SGCZ: variants seen among roughly 807,000 people sequenced by gnomAD.
SGCZ encodes zeta-sarcoglycan.
In SGCZ, 40 loss-of-function variants were observed where a neutral mutation model predicts 41.3. That is an observed-to-expected ratio of 0.97 (90% CI 0.75 to 1.26). The LOEUF is 1.26. Among genes scored for constraint, SGCZ ranks in the 50% most tolerant of loss-of-function variants. The pLI, the probability that SGCZ is intolerant of heterozygous loss-of-function variation, is 0.00. For missense variants in SGCZ, 552 were observed against 369.8 expected, an observed-to-expected ratio of 1.49 and a Z score of -4.04; for synonymous variants, 206 against 137.5, an observed-to-expected ratio of 1.50 and a Z score of -3.49.
chr8:14,594,845 T>A (rs1805356851), intron 1 of SGCZ, among the ~76,000 whole-genome samples: 1 of 145,278 alleles, frequency 6.9e-6, no homozygotes, highest in Admixed American at 7.1e-5. Flanking sequence ...TCCTTAAAAA[T>A]TTTTTTACCA....
chr8:14,172,473 G>T (rs755166947), intron 4 of SGCZ, among the ~76,000 whole-genome samples: 8 of 152,140 alleles, frequency 5.3e-5, no homozygotes, highest in Non-Finnish European at 1.2e-4. Flanking sequence ...AGGATTATTG[G>T]TTAACAGCAC....
intron 2 of SGCZ, among the ~76,000 whole-genome samples, chr8:14,426,453 T>C: frequency 6.6e-6 from 1 of 151,974 alleles, no homozygotes; most frequent in East Asian, 1.9e-4. Flanking sequence ...TGCAAATATG[T>C]GTATGCCACT....
intron 1 of SGCZ, among the ~76,000 whole-genome samples, chr8:14,866,675 T>C (rs1378700227): frequency 6.6e-6 from 1 of 152,020 alleles, no homozygotes; most frequent in Non-Finnish European, 1.5e-5. Context: ...CTGGGCATGA[T>C]GGTGCATGCT....
At chr8:14,330,436 T>C (rs1289363162) in intron 2 of SGCZ, among the ~76,000 whole-genome samples, 1 of 152,078 alleles carries the variant, frequency 6.6e-6, no homozygotes, top group Non-Finnish European at 1.5e-5. Flanking sequence ...AGCATAATTT[T>C]CTTTTTTTTG....
intron 2 of SGCZ, among the ~76,000 whole-genome samples, chr8:14,419,893 A>G (rs527726719): frequency 6.6e-6 from 1 of 152,148 alleles, no homozygotes; most frequent in Non-Finnish European, 1.5e-5. Flanking sequence ...GTTTGTTTCT[A>G]AAGCGACGAG....
chr8:14,583,424 G>C (rs7005692), intron 1 of SGCZ, among the ~76,000 whole-genome samples: 4,734 of 152,182 alleles, frequency 0.031, 139 homozygotes, highest in African/African-American at 0.084. Flanking sequence ...CAGATGAGTA[G>C]GTTGCGAAAC....
At chr8:14,187,992 G>C (rs1475983654) in intron 4 of SGCZ, among the ~76,000 whole-genome samples, 3 of 151,994 alleles carry the variant, frequency 2.0e-5, no homozygotes, top group Non-Finnish European at 4.4e-5. Flanking sequence ...GTTAACAGCT[G>C]GCCTCTCATC....
intron 1 of SGCZ, among the ~76,000 whole-genome samples, chr8:15,207,860 T>C (rs938738396): frequency 2.0e-5 from 3 of 152,192 alleles, no homozygotes; most frequent in East Asian, 3.9e-4. Flanking sequence ...ATAGAAAATA[T>C]ACCTGTTATA....
chr8:14,879,304 G>C (rs984137714), intron 1 of SGCZ: 1 of 152,078 alleles, frequency 6.6e-6, no homozygotes, highest in Non-Finnish European at 1.5e-5. Context: ...CTCCAGCCTG[G>C]ATGACAGAGT....
In SGCZ at chr8:14,087,713, TTA is replaced by T. The variant is rs1491134312; in HGVS notation, c.*2728_*2729del. ...GTGCAATTAAGGGACCACTATATTT[TTA>T]AAAAAAAAAAAATGCTTTTTTGTGT... On this transcript the variant is annotated 3_prime_UTR_variant, in exon 8 of 8. Coordinates refer to ENST00000382080, the MANE Select transcript of SGCZ (RefSeq NM_139167.4). 1.5e-5 allele frequency among the ~76,000 whole-genome samples: 2 copies of T among 137,356 alleles called. No homozygotes were observed. Among genetic ancestry groups the T allele is most frequent in the African/African-American group, 2.8e-5 (1 of 36,156 alleles). 90.1% of individuals were successfully genotyped at this position (137,356 alleles called of 152,430 possible).
At chr8:14,214,993 T>C (rs1331611382) in intron 4 of SGCZ, among the ~76,000 whole-genome samples, 1 of 152,094 alleles carries the variant, frequency 6.6e-6, no homozygotes, top group African/African-American at 2.4e-5. Flanking sequence ...AGAGAAATAC[T>C]GAAGAATATT....
At chr8:14,763,529 G>T (rs907886651) in intron 1 of SGCZ, among the ~76,000 whole-genome samples, 4 of 152,086 alleles carry the variant, frequency 2.6e-5, no homozygotes, top group African/African-American at 4.8e-5. Flanking sequence ...CTGCATAGGA[G>T]ACACTTTATT....
chr8:14,188,025 T>C (rs1804962374), intron 4 of SGCZ, among the ~76,000 whole-genome samples: 1 of 152,040 alleles, frequency 6.6e-6, no homozygotes. Flanking sequence ...GAGGAAGTAG[T>C]AGGACAGCAT....
At chr8:14,646,972 T>C (rs760127124) in intron 1 of SGCZ, among the ~76,000 whole-genome samples, 1 of 151,910 alleles carries the variant, frequency 6.6e-6, no homozygotes, top group Admixed American at 6.6e-5. Context: ...ATTTCAGAAA[T>C]GAAGCCTGGA....
intron 2 of SGCZ, among the ~76,000 whole-genome samples, chr8:14,360,643 T>C (rs889995462): frequency 6.6e-6 from 1 of 152,086 alleles, no homozygotes; most frequent in African/African-American, 2.4e-5. Context: ...TATTTATTTA[T>C]TTATTTTTTA....
chr8:14,372,948 A>G (rs979415265), intron 2 of SGCZ, among the ~76,000 whole-genome samples: 1 of 152,186 alleles, frequency 6.6e-6, no homozygotes, highest in Non-Finnish European at 1.5e-5. Context: ...TTTTGAGCAT[A>G]GATGTGACAT....
intron 5 of SGCZ, among the ~76,000 whole-genome samples, chr8:14,120,374 A>G (rs1802661101): frequency 6.6e-6 from 1 of 152,174 alleles, no homozygotes; most frequent in African/African-American, 2.4e-5. Context: ...TCTCCACCTG[A>G]AGTTGTCAGG....
intron 1 of SGCZ, among the ~76,000 whole-genome samples, chr8:14,675,482 G>A (rs1217379595): frequency 6.6e-6 from 1 of 151,748 alleles, no homozygotes; most frequent in East Asian, 1.9e-4. Context: ...ATTTTAAATG[G>A]CTTATTTATT....
At chr8:14,123,861 A>C (rs1028756228) in intron 5 of SGCZ, among the ~76,000 whole-genome samples, 5 of 152,190 alleles carry the variant, frequency 3.3e-5, no homozygotes, top group African/African-American at 1.2e-4. Flanking sequence ...TCTTAAAAAC[A>C]GGATTATCCT....
Sources: gnomAD v4.1 joint callset for allele counts (sites outside exome capture counted in the v4.1 genomes callset) on GRCh38, gnomAD v4.1.1 for gene constraint, MANE v1.5 for transcripts, NCBI Gene and HGNC (gene_info 2026-07-23, HGNC 2026-07-21) for gene names.